The following PCDHA13 variants were observed in gnomAD, a reference collection of about 807,000 sequenced individuals.
PCDHA13 encodes protocadherin alpha-13.
A neutral mutation model predicts 64.8 loss-of-function variants in PCDHA13; 54 were observed. The observed-to-expected ratio is 0.83, with a 90% CI of 0.67 to 1.04. PCDHA13 has a LOEUF of 1.04. Ranked by LOEUF, PCDHA13 falls within the 50% of genes least tolerant of loss-of-function variation. The pLI is 0.00. For synonymous variants in PCDHA13, 587 were observed against 564.4 expected (o/e 1.04, Z -0.57); for missense variants, 1,248 against 1,254.3 (o/e 0.99, Z 0.08).
intron 3 of PCDHA13, 87 bp downstream of exon 3, chr5:140,982,650 C>T (rs1299219435): frequency 4.6e-6 from 7 of 1,507,000 alleles, no homozygotes; most frequent in Non-Finnish European, 5.3e-6. Flanking sequence ...ATGTTGATGG[C>T]TCTTTTTCTT....
At chr5:140,937,142 A>G (rs1362886135) in intron 1 of PCDHA13, among the ~76,000 whole-genome samples, 1 of 147,852 alleles carries the variant, frequency 6.8e-6, no homozygotes, top group Non-Finnish European at 1.5e-5. Context: ...GGTTCATGCC[A>G]TTCTCCTGCC....
intron 1 of PCDHA13, among the ~76,000 whole-genome samples, chr5:140,917,197 C>T (rs928492760): frequency 2.6e-5 from 4 of 152,236 alleles, no homozygotes; most frequent in African/African-American, 7.2e-5. Flanking sequence ...TCTCTCCAAC[C>T]CTCTTCAATG....
chr5:140,904,139 A>G lies in PCDHA13; in HGVS notation c.2394+19477A>G, dbSNP rs557435150. On this transcript the variant is annotated intron_variant, in intron 1 of 3. Coordinates refer to ENST00000289272, the MANE Select transcript of PCDHA13 (RefSeq NM_018904.3). ...ATTTTGGTGCACCCATCACCCGAGCAGTATACATTGCACCCAGTTTGTAGT... is the reference window on the plus strand; with the variant it reads ...ATTTTGGTGCACCCATCACCCGAGCGGTATACATTGCACCCAGTTTGTAGT... Among the ~76,000 whole-genome samples, 4 of 152,286 alleles carry G rather than the reference A, an allele frequency of 2.6e-5. No homozygotes were observed. The East Asian group carries it at 7.7e-4, about 29-fold the overall frequency.
chr5:140,964,216 T>C (rs1267795511), intron 1 of PCDHA13, among the ~76,000 whole-genome samples: 1 of 152,214 alleles, frequency 6.6e-6, no homozygotes, highest in Non-Finnish European at 1.5e-5. Context: ...TAGTACAATG[T>C]CTTTCAAAAT....
chr5:140,927,051 G>T, intron 1 of PCDHA13: 1 of 1,612,116 alleles, frequency 6.2e-7, no homozygotes, highest in South Asian at 1.1e-5. Flanking sequence ...TGTCCTCGCG[G>T]AACTTTCGCT....
At position 140,883,880 on chromosome 5, in the gene PCDHA13, C is replaced by G; in HGVS notation, c.1612C>G (p.Arg538Gly). Residue 538 changes from arginine (R) to glycine (G), a missense_variant, in exon 1 of 4, where the codon CGC becomes GGC. Transcript: ENST00000289272. ...LELLQFQVSA[R>G]DSGVPPLGSN... ...GCTGTTGCAGTTCCAGGTGAGCGCG[C>G]GCGACTCTGGCGTGCCGCCTCTGGG... is the stretch of plus-strand genomic sequence containing the variant. 2 of 1,613,304 alleles carry G rather than the reference C, an allele frequency of 1.2e-6. No homozygotes were observed. The highest frequency in any genetic ancestry group is 1.7e-6 in the Non-Finnish European group (2 of 1,179,858).
intron 1 of PCDHA13, chr5:140,969,195 A>G: frequency 6.2e-7 from 1 of 1,614,158 alleles, no homozygotes; most frequent in Non-Finnish European, 8.5e-7. Flanking sequence ...ATGTTTTACA[A>G]TACAGGGGCC....
At position 140,951,558 on chromosome 5, in the gene PCDHA13, C is replaced by T. The variant is rs79908970; in HGVS notation, c.2395-27391C>T. On this transcript the variant is annotated intron_variant, in intron 1 of 3. Coordinates refer to ENST00000289272, the MANE Select transcript of PCDHA13 (RefSeq NM_018904.3). The stretch of plus-strand genomic sequence containing the variant: ...GAGCAAGGGACGGGGGGAAGTGCTA[C>T]GCACTTTTAAACAACCAGATTTCAC... Among the ~76,000 whole-genome samples the T allele has an allele frequency of 3.7e-4, 56 of 152,112 alleles. No individual in the cohort carries two copies. In the East Asian group the frequency reaches 9.5e-3, roughly 26 times the overall value.
chr5:140,982,609 G>A, intron 3 of PCDHA13, 46 bp downstream of exon 3: 1 of 1,600,864 alleles, frequency 6.2e-7, no homozygotes, highest in East Asian at 2.2e-5. Context: ...TCTGGAAAGT[G>A]ATCAGATGAC....
rs782107481 is a variant in PCDHA13, at chr5:140,883,144, A to C, written c.876A>C (p.Ala292=). ...RRPVWPAVVY[A]FTINPNNGEI... ...CTGTATGGCCTGCAGTGGTATATGC[A>C]TTTACCATAAATCCGAACAATGGAG... The change falls in exon 1 of 4, where the codon GCA becomes GCC. Residue 292 remains alanine (A), a synonymous_variant. Coordinates refer to ENST00000289272, the MANE Select transcript of PCDHA13 (RefSeq NM_018904.3). 2.5e-6 allele frequency: 4 copies of C among 1,614,086 alleles called. No homozygotes were observed. Among genetic ancestry groups the C allele is most frequent in the Non-Finnish European group, 3.4e-6 (4 of 1,180,038 alleles).
chr5:140,934,103 T>C (rs1400037088), intron 1 of PCDHA13, among the ~76,000 whole-genome samples: 1 of 152,148 alleles, frequency 6.6e-6, no homozygotes, highest in Non-Finnish European at 1.5e-5. Context: ...TGCTTTCTAT[T>C]TTATTAATTT....
chr5:140,935,016 T>C (rs997789296), intron 1 of PCDHA13, among the ~76,000 whole-genome samples: 6 of 152,322 alleles, frequency 3.9e-5, no homozygotes, highest in Admixed American at 6.5e-5. Flanking sequence ...TGAGTCTTAA[T>C]AGTCTTTTGA....
intron 1 of PCDHA13, among the ~76,000 whole-genome samples, chr5:140,912,818 A>T (rs2076075875): frequency 6.6e-6 from 1 of 152,052 alleles, no homozygotes; most frequent in South Asian, 2.1e-4. Context: ...TCATAAAGGG[A>T]TTTTGAATTT....
At chr5:140,918,560 G>A (rs1243205653) in intron 1 of PCDHA13, among the ~76,000 whole-genome samples, 1 of 152,180 alleles carries the variant, frequency 6.6e-6, no homozygotes, top group Non-Finnish European at 1.5e-5. Context: ...TGAGAAGAAT[G>A]TATATTATGC....
chr5:140,939,803 T>C (rs2092462819), intron 1 of PCDHA13, among the ~76,000 whole-genome samples: 1 of 152,228 alleles, frequency 6.6e-6, no homozygotes, highest in African/African-American at 2.4e-5. Flanking sequence ...ATGTTCTGCA[T>C]GTTCAAGAAA....
rs2060126363 is a variant in PCDHA13 at position 140,884,367 on chromosome 5, T to G, written c.2099T>G (p.Leu700Trp). The G allele has an allele frequency of 1.2e-6, 2 of 1,613,928 alleles. No individual in the cohort carries two copies. Among genetic ancestry groups the G allele is most frequent in the Middle Eastern group, 3.3e-4 (2 of 6,062 alleles). ...EAALVDVNVYLIIAICAVSSL... is the reference protein window; with the variant it reads ...EAALVDVNVYWIIAICAVSSL... ...GCGCTGGTGGATGTCAATGTTTACT[T>G]GATCATTGCCATCTGCGCGGTGTCC... Residue 700 changes from leucine to tryptophan, a missense_variant, in exon 1 of 4, where the codon TTG becomes TGG. Leu to Trp is a moderately conservative substitution (Grantham distance 61). Coordinates refer to ENST00000289272, the MANE Select transcript of PCDHA13 (RefSeq NM_018904.3).
At chr5:140,934,930 C>G (rs1467115569) in intron 1 of PCDHA13, among the ~76,000 whole-genome samples, 2 of 152,102 alleles carry the variant, frequency 1.3e-5, no homozygotes, top group Non-Finnish European at 2.9e-5. Context: ...CATAAAGTTA[C>G]AAAACTAGTA....
Position 140,983,978 on chromosome 5 carries a change from G to A in PCDHA13, c.2542+1415G>A, listed in dbSNP as rs529150173. Among the ~76,000 whole-genome samples the A allele has an allele frequency of 5.3e-5, 8 of 152,266 alleles. No individual in the cohort carries two copies. The South Asian group carries it at 1.5e-3, about 28-fold the overall frequency. Reference sequence around the variant, plus strand: ...AGTCACATTTGTCCAAAAAATATACGAGTTGAAGCAATTCATTAGAGAGCT... The same window carrying A: ...AGTCACATTTGTCCAAAAAATATACAAGTTGAAGCAATTCATTAGAGAGCT... On this transcript the variant is annotated intron_variant, in intron 3 of 3. Transcript: ENST00000289272.
intron 3 of PCDHA13, among the ~76,000 whole-genome samples, chr5:140,998,708 GC>G (rs1350967952): frequency 1.3e-5 from 2 of 152,024 alleles, no homozygotes; most frequent in Admixed American, 6.6e-5. Context: ...GGGATTACAA[GC>G]TTGCACCACC....
Sources: gnomAD v4.1 joint callset for allele counts (sites outside exome capture counted in the v4.1 genomes callset) on GRCh38, gnomAD v4.1.1 for gene constraint, MANE v1.5 for transcripts, NCBI Gene and HGNC (gene_info 2026-07-23, HGNC 2026-07-21) for gene names.